Variants in NRXN1 observed in about 807,000 individuals in gnomAD.
NRXN1 encodes the protein neurexin-1.
In NRXN1, 39 loss-of-function variants were observed where a neutral mutation model predicts 150.9. That is an observed-to-expected ratio of 0.26 (90% CI 0.20 to 0.34). The LOEUF is 0.34. NRXN1 is among the 10% of genes least tolerant of loss of function. The pLI, the probability that NRXN1 is intolerant of heterozygous loss-of-function variation, is 1.00. For missense variants in NRXN1, 1,815 were observed against 1,949.9 expected, an observed-to-expected ratio of 0.93 and a Z score of 1.30; for synonymous variants, 924 against 757.0, an observed-to-expected ratio of 1.22 and a Z score of -3.62.
intron 5 of NRXN1, among the ~76,000 whole-genome samples, chr2:50,789,135 C>A (rs1705576876): frequency 6.6e-6 from 1 of 152,142 alleles, no homozygotes; most frequent in Non-Finnish European, 1.5e-5. Context: ...TGTAATTTTA[C>A]ATTGTGTATA....
At chr2:50,767,423 G>A (rs899011659) in intron 5 of NRXN1, among the ~76,000 whole-genome samples, 34 of 151,896 alleles carry the variant, frequency 2.2e-4, no homozygotes, top group African/African-American at 7.5e-4. Flanking sequence ...TATTTTGTGT[G>A]ATATTATATA....
chr2:50,115,581 C>T (rs1206759158), intron 18 of NRXN1, among the ~76,000 whole-genome samples: 3 of 151,886 alleles, frequency 2.0e-5, no homozygotes, highest in Non-Finnish European at 2.9e-5. Flanking sequence ...AAGTGAGATA[C>T]GAACCCAGTC....
chr2:50,330,188 A>C (rs2076745982), intron 17 of NRXN1, among the ~76,000 whole-genome samples: 1 of 152,080 alleles, frequency 6.6e-6, no homozygotes, highest in South Asian at 2.1e-4. Flanking sequence ...TTTTTAAATG[A>C]TTAAATACAT....
chr2:50,389,371 A>G (rs570108404), intron 17 of NRXN1, among the ~76,000 whole-genome samples: 76 of 151,068 alleles, frequency 5.0e-4, no homozygotes, highest in African/African-American at 1.6e-3. Flanking sequence ...TAGAGAAAGA[A>G]AGTTAGACAA....
At chr2:50,328,957 C>A (rs539806065) in intron 17 of NRXN1, among the ~76,000 whole-genome samples, 5 of 152,032 alleles carry the variant, frequency 3.3e-5, no homozygotes, top group Admixed American at 6.5e-5. Flanking sequence ...CTCAATACCC[C>A]CTGCCTGTGG....
intron 5 of NRXN1, among the ~76,000 whole-genome samples, chr2:50,766,409 A>C (rs1310843223): frequency 6.6e-6 from 1 of 151,990 alleles, no homozygotes; most frequent in East Asian, 1.9e-4. Flanking sequence ...CTCAGCAGAA[A>C]ACTCAAAGAA....
At chr2:50,192,019 G>GT (rs886866341) in intron 18 of NRXN1, among the ~76,000 whole-genome samples, 3 of 151,362 alleles carry the variant, frequency 2.0e-5, no homozygotes, top group South Asian at 2.1e-4. Flanking sequence ...CTTTCATAAA[G>GT]TTTTTTTTTA....
intron 18 of NRXN1, among the ~76,000 whole-genome samples, chr2:50,162,901 T>A (rs1358668783): frequency 6.6e-6 from 1 of 151,898 alleles, no homozygotes; most frequent in Non-Finnish European, 1.5e-5. Flanking sequence ...ATACTCTCTC[T>A]TGTTAAAAAT....
intron 8 of NRXN1, among the ~76,000 whole-genome samples, chr2:50,608,249 C>T (rs752362470): frequency 6.6e-6 from 1 of 152,184 alleles, no homozygotes; most frequent in African/African-American, 2.4e-5. Flanking sequence ...TGCACCAATA[C>T]TGCCAATGAT....
chr2:50,491,538 A>G (rs747137503), intron 15 of NRXN1, among the ~76,000 whole-genome samples: 24 of 152,288 alleles, frequency 1.6e-4, no homozygotes, highest in Non-Finnish European at 3.1e-4. Context: ...ATGGGTGATG[A>G]TCCTGGTAAG....
chr2:50,809,989 C>G (rs1299217274), intron 5 of NRXN1, among the ~76,000 whole-genome samples: 1 of 152,144 alleles, frequency 6.6e-6, no homozygotes, highest in African/African-American at 2.4e-5. Context: ...CTTCACTGAA[C>G]CTACTAGTAT....
chr2:50,202,245 G>A (rs1033190507), intron 18 of NRXN1, among the ~76,000 whole-genome samples: 2 of 152,172 alleles, frequency 1.3e-5, no homozygotes, highest in Admixed American at 1.3e-4. Flanking sequence ...GGTGGCTCAC[G>A]CCTGTAATCC....
At chr2:49,972,327 G>C (rs1678099821) in intron 21 of NRXN1, among the ~76,000 whole-genome samples, 1 of 151,986 alleles carries the variant, frequency 6.6e-6, no homozygotes, top group Non-Finnish European at 1.5e-5. Context: ...TATTGGTCAG[G>C]CTCCACGCTG....
chr2:50,281,285 C>T (rs1202967648), intron 17 of NRXN1, among the ~76,000 whole-genome samples: 5 of 151,476 alleles, frequency 3.3e-5, no homozygotes, highest in Non-Finnish European at 5.9e-5. Context: ...CCGCTGCACT[C>T]CAGCCTCGGT....
At chr2:50,427,661 G>C (rs565209732) in intron 17 of NRXN1, among the ~76,000 whole-genome samples, 1 of 152,316 alleles carries the variant, frequency 6.6e-6, no homozygotes, top group East Asian at 1.9e-4. Context: ...AGAAAATTTA[G>C]AATGATAAAA....
At chr2:50,745,105 T>C (rs1699854445) in intron 5 of NRXN1, among the ~76,000 whole-genome samples, 1 of 152,270 alleles carries the variant, frequency 6.6e-6, no homozygotes, top group East Asian at 1.9e-4. Context: ...ATCTTAGCTA[T>C]ATCACTTCCT....
intron 17 of NRXN1, among the ~76,000 whole-genome samples, chr2:50,258,919 G>T (rs1220853241): frequency 6.6e-6 from 1 of 152,000 alleles, no homozygotes; most frequent in Non-Finnish European, 1.5e-5. Context: ...TAAGCAGTAG[G>T]TCTCAATATT....
At chr2:50,557,879 T>A (rs1255156787) in intron 8 of NRXN1, among the ~76,000 whole-genome samples, 1 of 152,200 alleles carries the variant, frequency 6.6e-6, no homozygotes, top group Non-Finnish European at 1.5e-5. Context: ...TCAAAGGTAT[T>A]CAGCAGACTG....
chr2:50,884,068 A>AAT (rs1179288104), intron 5 of NRXN1, among the ~76,000 whole-genome samples: 1 of 151,786 alleles, frequency 6.6e-6, no homozygotes, highest in African/African-American at 2.4e-5. Context: ...TAAGAAGGTA[A>AAT]ATATAAAGCA....
Sources: allele counts gnomAD v4.1 joint callset (sites outside exome capture counted in the v4.1 genomes callset), GRCh38; gene constraint gnomAD v4.1.1; transcripts MANE v1.5; gene names NCBI Gene and HGNC (gene_info 2026-07-23, HGNC 2026-07-21).